The following CEBPZ variants were observed in gnomAD, a reference collection of about 807,000 sequenced individuals.
The protein encoded by CEBPZ is CCAAT/enhancer-binding protein zeta.
A neutral mutation model predicts 104.5 loss-of-function variants in CEBPZ; 78 were observed. The ratio of observed to expected loss-of-function variants is 0.75; its 90% CI spans 0.62 to 0.90. CEBPZ has a LOEUF of 0.90. CEBPZ is among the 40% of genes least tolerant of loss of function. The pLI, the probability that CEBPZ is intolerant of heterozygous loss-of-function variation, is 0.00. For synonymous variants in CEBPZ, 470 were observed against 427.0 expected (o/e 1.10, Z -1.24); for missense variants, 1,439 against 1,233.5 (o/e 1.17, Z -2.50).
At chr2:37,212,835 TA>T (rs761764387) in intron 10 of CEBPZ, among the ~76,000 whole-genome samples, 6,276 of 61,910 alleles carry the variant, frequency 0.1, 464 homozygotes, top group East Asian at 0.45. Flanking sequence ...CTATCTCTAT[TA>T]AAAAAAAAAA....
At chr2:37,223,006 G>C (rs1384848737) in intron 3 of CEBPZ, among the ~76,000 whole-genome samples, 164 bp downstream of exon 3, 1 of 152,160 alleles carries the variant, frequency 6.6e-6, no homozygotes, top group Non-Finnish European at 1.5e-5. Context: ...TGCCCACCTA[G>C]TAAACTGTAC....
intron 8 of CEBPZ, 60 bp from the exon 9 acceptor site, chr2:37,215,012 G>A: frequency 2.7e-6 from 3 of 1,093,942 alleles, no homozygotes; most frequent in Non-Finnish European, 4.2e-6. Context: ...TGTTACTCAA[G>A]CTCTTAAGAC....
At chr2:37,207,072 T>C (rs1414499884) in intron 13 of CEBPZ, among the ~76,000 whole-genome samples, 1 of 152,148 alleles carries the variant, frequency 6.6e-6, no homozygotes, top group Non-Finnish European at 1.5e-5. Flanking sequence ...CATTACATAC[T>C]AGTAAAATGA....
At chr2:37,212,501 T>C in intron 10 of CEBPZ, 109 bp from the exon 11 acceptor site, 4 of 902,818 alleles carry the variant, frequency 4.4e-6, no homozygotes, top group Non-Finnish European at 7.1e-6. Context: ...TTATGACAAG[T>C]GAACACCAAA....
chr2:37,206,187 C>T (rs140884543), intron 13 of CEBPZ, among the ~76,000 whole-genome samples: 18 of 152,314 alleles, frequency 1.2e-4, no homozygotes, highest in African/African-American at 3.6e-4. Context: ...ACAGGACTAA[C>T]GTGCAGCTCC....
chr2:37,218,194 G>A (rs1443254222), intron 5 of CEBPZ, among the ~76,000 whole-genome samples: 1 of 151,928 alleles, frequency 6.6e-6, no homozygotes, highest in Admixed American at 6.6e-5. Flanking sequence ...GTGAACCCGG[G>A]AGGCGGAGCT....
intron 2 of CEBPZ, among the ~76,000 whole-genome samples, chr2:37,226,933 C>A (rs951506976): frequency 8.5e-5 from 13 of 152,090 alleles, no homozygotes; most frequent in Non-Finnish European, 5.9e-5. Flanking sequence ...AAACCCTGCA[C>A]CCTGCATCCC....
intron 15 of CEBPZ, chr2:37,202,443 G>C (rs1294653949): frequency 5.7e-6 from 1 of 175,164 alleles, no homozygotes; most frequent in South Asian, 1.2e-4. Flanking sequence ...TCAGGAGTTC[G>C]AGACCAGCCT....
rs1677705571 is a variant in CEBPZ, at chr2:37,211,039, T to G, written c.2844A>C (p.Arg948Ser). ...CAAAGTCAAAATCATCTGTACCTTT[T>G]CTCTTGCTTTTCTTAGTACTGACTT... ...HSKVSTKKSK[R>S]KGTDDFDFAG... The change falls in exon 13 of 16, where the codon AGA (arginine) becomes AGC (serine). Residue 948 changes from arginine (R) to serine (S), a missense_variant. Transcript: ENST00000234170. 6.2e-7 allele frequency: 1 copy of G among 1,612,332 alleles called. No individual in the cohort carries two copies. Among genetic ancestry groups the G allele is most frequent in the African/African-American group, 1.3e-5 (1 of 74,862 alleles).
At chr2:37,206,286 A>AT (rs1677537430) in intron 13 of CEBPZ, among the ~76,000 whole-genome samples, 1 of 152,254 alleles carries the variant, frequency 6.6e-6, no homozygotes, top group African/African-American at 2.4e-5. Context: ...TGAAGGAGAG[A>AT]TATCTATGCT....
intron 10 of CEBPZ, chr2:37,212,697 C>G: frequency 5.3e-6 from 2 of 375,146 alleles, no homozygotes; most frequent in South Asian, 3.4e-5. Context: ...CCTTTTTACT[C>G]TATTAGAACT....
rs115183394 is a variant in CEBPZ, at chr2:37,222,348, C to T, written c.2065+32G>A. ...TCTATGAAAATCAAAGAGAAACAAA[C>T]TCCCTAGAGAATAAAGATGAAAAAA... On this transcript the variant is annotated intron_variant, in intron 4 of 15. Transcript: ENST00000234170. 3,380 of 1,477,014 alleles carry T rather than the reference C, an allele frequency of 2.3e-3. 62 individuals are homozygous for T. In the African/African-American group the frequency reaches 0.044, roughly 19 times the overall value. 91.5% of individuals were successfully genotyped at this position (1,477,014 alleles called of 1,614,324 possible).
intron 5 of CEBPZ, among the ~76,000 whole-genome samples, chr2:37,219,506 A>G (rs930983085): frequency 6.6e-6 from 1 of 151,858 alleles, no homozygotes; most frequent in African/African-American, 2.4e-5. Context: ...AGTTTTACCT[A>G]TCATTTCTTT....
chr2:37,206,377 A>C (rs1420167856), intron 13 of CEBPZ, among the ~76,000 whole-genome samples: 1 of 152,200 alleles, frequency 6.6e-6, no homozygotes, highest in Admixed American at 6.5e-5. Context: ...TCTTTTTTTG[A>C]GATGGAATCT....
At position 37,208,366 on chromosome 2, in the gene CEBPZ, C is replaced by T. The variant is rs1286229889; in HGVS notation, c.2884+2633G>A. Among the ~76,000 whole-genome samples, 3 of 152,106 alleles carry T rather than the reference C, an allele frequency of 2.0e-5. No individual in the cohort carries two copies. The East Asian group carries it at 5.8e-4, about 29-fold the overall frequency. On this transcript the variant is annotated intron_variant, in intron 13 of 15. Transcript: ENST00000234170. ...CAAAAGAAAACTAGAGACCAATATT[C>T]CTCATGCACACAGATGCAAAAACCC...
At chr2:37,225,168 G>A (rs924366739) in intron 2 of CEBPZ, among the ~76,000 whole-genome samples, 2 of 152,216 alleles carry the variant, frequency 1.3e-5, no homozygotes, top group African/African-American at 4.8e-5. Context: ...ACTTCAAAGA[G>A]TTGTGGAAAG....
At position 37,229,979 on chromosome 2, in the gene CEBPZ, C is replaced by T. The variant is rs1665004544; in HGVS notation, c.157-943G>A. On this transcript the variant is annotated intron_variant, in intron 1 of 15. Transcript: ENST00000234170. The stretch of plus-strand genomic sequence containing the variant: ...AAAGTGCTGGGATTATGGGTGTGAG[C>T]CACTGTGCCTGGCTCATTTCTACAA... Among the ~76,000 whole-genome samples the T allele has an allele frequency of 2.6e-5, 4 of 152,240 alleles. No homozygotes were observed. In the South Asian group the frequency reaches 8.3e-4, roughly 32 times the overall value.
At position 37,211,793 on chromosome 2, in the gene CEBPZ, TAAGG is replaced by T. The variant is rs1437439368; in HGVS notation, c.2800+46_2800+49del. 2.9e-6 allele frequency: 4 copies of T among 1,377,620 alleles called. No homozygotes were observed. The African/African-American group carries it at 4.3e-5, about 15-fold the overall frequency. The allele number at this position is 1,377,620 out of a possible 1,614,324, so 85.3% of individuals were successfully genotyped here. On this transcript the variant is annotated intron_variant, in intron 12 of 15. Transcript: ENST00000234170. Reference sequence around the variant, plus strand: ...TTTAGCAGAAAAACAAACTTAAGGCTAAGGAAGTGAGGAAGACACAGTTTATGTC... The same window carrying T: ...TTTAGCAGAAAAACAAACTTAAGGCTAAGTGAGGAAGACACAGTTTATGTC...
chr2:37,226,352 T>C (rs1160945038), intron 2 of CEBPZ, among the ~76,000 whole-genome samples: 2 of 152,202 alleles, frequency 1.3e-5, no homozygotes, highest in South Asian at 2.1e-4. Flanking sequence ...GTAATAAGGA[T>C]AGCCGCCAAC....
Sources: allele counts gnomAD v4.1 joint callset (sites outside exome capture counted in the v4.1 genomes callset), GRCh38; gene constraint gnomAD v4.1.1; transcripts MANE v1.5; gene names NCBI Gene and HGNC (gene_info 2026-07-23, HGNC 2026-07-21).